TRIO: variants seen among roughly 807,000 people sequenced by gnomAD.
TRIO encodes trio Rho guanine nucleotide exchange factor, also known as triple functional domain protein.
In TRIO, 58 loss-of-function variants were observed where a neutral mutation model predicts 351.9. That is an observed-to-expected ratio of 0.16 (90% confidence interval 0.13 to 0.21). The LOEUF is 0.21. Among genes scored for constraint, TRIO ranks in the 10% least tolerant of loss-of-function variants. The pLI is 1.00. For synonymous variants in TRIO, 1,758 were observed against 1,595.7 expected (o/e 1.10, Z -2.42); for missense variants, 3,201 against 4,027.8 (o/e 0.79, Z 5.56).
chr5:14,432,197 C>T (rs1473206352), intron 34 of TRIO, among the ~76,000 whole-genome samples: 1 of 152,192 alleles, frequency 6.6e-6, no homozygotes, highest in Non-Finnish European at 1.5e-5. Context: ...TAGACATACA[C>T]CATTATCATC....
intron 7 of TRIO, among the ~76,000 whole-genome samples, chr5:14,299,340 A>G (rs1005367305): frequency 2.0e-5 from 3 of 152,208 alleles, no homozygotes; most frequent in Admixed American, 6.5e-5. Context: ...GTCTCAGTGC[A>G]TGTACGGTGG....
At chr5:14,226,085 C>T (rs1793003595) in intron 1 of TRIO, among the ~76,000 whole-genome samples, 1 of 152,144 alleles carries the variant, frequency 6.6e-6, no homozygotes, top group South Asian at 2.1e-4. Context: ...TTCAGGGAGG[C>T]ACCTGGTTAA....
In TRIO at chr5:14,510,124, T is replaced by A. The variant is rs1231001193; in HGVS notation, c.*1702T>A. On this transcript the variant is annotated 3_prime_UTR_variant, in exon 57 of 57. Transcript: ENST00000344204. Reference sequence around the variant, plus strand: ...TGTATATTTCTTTGTACAGAGACCTTACATGTTTACACAGTATGATGTGAT... The same window carrying A: ...TGTATATTTCTTTGTACAGAGACCTAACATGTTTACACAGTATGATGTGAT... 1 of 152,266 alleles carries A rather than the reference T, an allele frequency of 6.6e-6. No homozygotes were observed. Among genetic ancestry groups the A allele is most frequent in the Non-Finnish European group, 1.5e-5 (1 of 68,042 alleles). The allele number at this position is 152,266 out of a possible 1,614,324, so 9.4% of individuals were successfully genotyped here. A position where few individuals can be genotyped will look rare whatever the true frequency, so the allele number is the denominator to read the frequency against.
At chr5:14,489,708 G>C (rs974873377) in intron 48 of TRIO, among the ~76,000 whole-genome samples, 2 of 152,166 alleles carry the variant, frequency 1.3e-5, no homozygotes, top group Admixed American at 1.3e-4. Flanking sequence ...AGTCTTCTCT[G>C]GACATTCATG....
intron 1 of TRIO, among the ~76,000 whole-genome samples, chr5:14,188,427 C>G (rs1402650896): frequency 6.6e-6 from 1 of 152,052 alleles, no homozygotes; most frequent in African/African-American, 2.4e-5. Flanking sequence ...AGTTCTTGGC[C>G]CATTCTCTTA....
Position 14,488,032 on chromosome 5 carries a change from C to T in TRIO, c.7404C>T (p.Leu2468=), listed in dbSNP as rs1260155256. The T allele has an allele frequency of 4.4e-6, 7 of 1,603,468 alleles. No homozygotes were observed. Among genetic ancestry groups the T allele is most frequent in the African/African-American group, 2.7e-5 (2 of 74,714 alleles). The stretch of plus-strand genomic sequence containing the variant: ...CGCTCTCCAGCGCGGTCCCTTCTCT[C>T]GGCAAGGAGCCCTTCCCCCCCAGCA... ...NSPLSSAVPS[L]GKEPFPPSSP... Residue 2468 remains leucine, a synonymous_variant, in exon 48 of 57, where the codon CTC becomes CTT. Transcript: ENST00000344204.
chr5:14,300,735 CAT>C (rs1398392541), intron 7 of TRIO, among the ~76,000 whole-genome samples: 1 of 152,094 alleles, frequency 6.6e-6, no homozygotes, highest in Non-Finnish European at 1.5e-5. Flanking sequence ...GGGATTTGGC[CAT>C]GTTTCCCAAG....
intron 33 of TRIO, among the ~76,000 whole-genome samples, chr5:14,416,660 A>G (rs1472484528): frequency 6.6e-6 from 1 of 152,146 alleles, no homozygotes; most frequent in Non-Finnish European, 1.5e-5. Flanking sequence ...ATAGTTTTTG[A>G]TTACTCTTTA....
intron 1 of TRIO, among the ~76,000 whole-genome samples, chr5:14,226,184 TG>T (rs1451831047): frequency 1.3e-5 from 2 of 152,192 alleles, no homozygotes; most frequent in African/African-American, 4.8e-5. Flanking sequence ...TGGGTCTTCA[TG>T]GGACCAGCAT....
chr5:14,482,798 C>T (rs921468900), intron 46 of TRIO, 25 bp downstream of exon 46: 11 of 1,515,392 alleles, frequency 7.3e-6, no homozygotes, highest in Non-Finnish European at 9.8e-6. Flanking sequence ...TGTGTGATTT[C>T]TCTGTGCCAG....
chr5:14,450,820 A>G (rs780940340), intron 34 of TRIO, among the ~76,000 whole-genome samples: 4 of 152,234 alleles, frequency 2.6e-5, no homozygotes, highest in Non-Finnish European at 5.9e-5. Flanking sequence ...AGGTATGTGC[A>G]GAGAAGGAGA....
At chr5:14,292,932 T>A in intron 5 of TRIO, 80 bp from the exon 6 acceptor site, 1 of 1,590,312 alleles carries the variant, frequency 6.3e-7, no homozygotes, top group Non-Finnish European at 8.6e-7. Context: ...TGCCCTTTCT[T>A]GGTACTGCCC....
chr5:14,179,611 A>AT (rs60266582), intron 1 of TRIO, among the ~76,000 whole-genome samples: 10,224 of 143,676 alleles, frequency 0.071, 607 homozygotes, highest in African/African-American at 0.16. Flanking sequence ...TCAGTTTTTG[A>AT]TTTTTTTTTT....
At chr5:14,159,786 C>G (rs189295008) in intron 1 of TRIO, among the ~76,000 whole-genome samples, 1 of 152,196 alleles carries the variant, frequency 6.6e-6, no homozygotes, top group Admixed American at 6.5e-5. Context: ...AGGATGGTCT[C>G]CATCTCTTGA....
At chr5:14,472,554 A>G in intron 38 of TRIO, 38 bp from the exon 39 acceptor site, 1 of 1,611,512 alleles carries the variant, frequency 6.2e-7, no homozygotes, top group South Asian at 1.1e-5. Context: ...TTCATTTAGA[A>G]AACAGTTTGC....
intron 1 of TRIO, among the ~76,000 whole-genome samples, chr5:14,245,651 CTCT>C (rs1284029343): frequency 6.6e-6 from 1 of 152,230 alleles, no homozygotes; most frequent in African/African-American, 2.4e-5. Context: ...AATAGACACA[CTCT>C]TCTTGACCGT....
At chr5:14,219,355 A>C (rs989155142) in intron 1 of TRIO, among the ~76,000 whole-genome samples, 1 of 152,128 alleles carries the variant, frequency 6.6e-6, no homozygotes, top group African/African-American at 2.4e-5. Flanking sequence ...CTGCCTCTGC[A>C]AACCTTGCTT....
chr5:14,505,945 C>G (rs1002479640), intron 55 of TRIO, among the ~76,000 whole-genome samples: 8 of 152,358 alleles, frequency 5.3e-5, no homozygotes, highest in Admixed American at 2.6e-4. Context: ...TCCCCGCCCT[C>G]CCTCTCATCG....
intron 21 of TRIO, among the ~76,000 whole-genome samples, chr5:14,384,904 T>G (rs1746403820): frequency 6.6e-6 from 1 of 152,058 alleles, no homozygotes; most frequent in African/African-American, 2.4e-5. Context: ...AAGAAAGAAC[T>G]TTTACAAATC....
Sources: allele counts gnomAD v4.1 joint callset (sites outside exome capture counted in the v4.1 genomes callset), GRCh38; gene constraint gnomAD v4.1.1; transcripts MANE v1.5; gene names NCBI Gene and HGNC (gene_info 2026-07-23, HGNC 2026-07-21).